PDE1A: variants seen among roughly 807,000 people sequenced by gnomAD.
PDE1A encodes the protein phosphodiesterase 1A.
PDE1A carries 35 observed loss-of-function variants against 61.7 expected under a neutral mutation model. That is an observed-to-expected ratio of 0.57 (90% CI 0.43 to 0.75). PDE1A has a LOEUF of 0.75. Ranked by LOEUF, PDE1A falls within the 30% of genes least tolerant of loss-of-function variation. The probability of loss-of-function intolerance (pLI) is 0.00; values close to 1 mark genes in which losing one functional copy is unlikely to be tolerated. For synonymous variants in PDE1A, 232 were observed against 213.2 expected (o/e 1.09, Z -0.77); for missense variants, 597 against 630.6 (o/e 0.95, Z 0.57).
intron 1 of PDE1A, among the ~76,000 whole-genome samples, chr2:182,370,697 G>C (rs1700083086): frequency 1.3e-5 from 2 of 152,174 alleles, no homozygotes; most frequent in African/African-American, 4.8e-5. Flanking sequence ...GACAAACTGG[G>C]AGGAAGAGAT....
At chr2:182,690,480 C>T in the PDE1A span, among the ~76,000 whole-genome samples, 1,369 of 152,196 alleles carry the variant, frequency 9.0e-3, 14 homozygotes, top group South Asian at 0.054. Flanking sequence ...AAGTCAACAG[C>T]GCTTCATGCT....
chr2:182,590,258 G>A, the PDE1A span, among the ~76,000 whole-genome samples: 1 of 152,108 alleles, frequency 6.6e-6, no homozygotes, highest in African/African-American at 2.4e-5. Context: ...CTTGAGCCCA[G>A]GAGTTCAAGA....
chr2:182,349,266 G>C (rs1698712153), intron 1 of PDE1A, among the ~76,000 whole-genome samples: 1 of 152,120 alleles, frequency 6.6e-6, no homozygotes, highest in Non-Finnish European at 1.5e-5. Context: ...TAAATAAACA[G>C]GATAAACATA....
At chr2:182,205,987 T>C (rs924874543) in exon 8 of PDE1A, 1 of 1,611,908 alleles carries the variant, frequency 6.2e-7, no homozygotes, top group Non-Finnish European at 8.5e-7. Context: ...TTTCTTCTTC[T>C]TGCATAAGTC....
chr2:182,203,111 C>T (rs956065881), intron 8 of PDE1A, among the ~76,000 whole-genome samples: 3 of 151,992 alleles, frequency 2.0e-5, no homozygotes, highest in Admixed American at 6.6e-5. Context: ...GTCAGGAGAT[C>T]GAGACCATCC....
the PDE1A span, among the ~76,000 whole-genome samples, chr2:182,709,539 G>T: frequency 6.6e-6 from 1 of 152,170 alleles, no homozygotes; most frequent in Non-Finnish European, 1.5e-5. Context: ...ATAATATATT[G>T]TGATAAATGC....
the PDE1A span, among the ~76,000 whole-genome samples, chr2:182,660,776 T>A: frequency 6.6e-6 from 1 of 152,150 alleles, no homozygotes; most frequent in African/African-American, 2.4e-5. Context: ...CTGAACGAAC[T>A]TGTAAAAGGT....
At chr2:182,529,477 G>C in the PDE1A span, among the ~76,000 whole-genome samples, 1 of 152,212 alleles carries the variant, frequency 6.6e-6, no homozygotes, top group Non-Finnish European at 1.5e-5. Flanking sequence ...GAAGGGACTT[G>C]CCTTGTCTCA....
At chr2:182,618,413 C>G in the PDE1A span, among the ~76,000 whole-genome samples, 1 of 151,850 alleles carries the variant, frequency 6.6e-6, no homozygotes, top group Non-Finnish European at 1.5e-5. Context: ...TTAATTTACC[C>G]TTAGGATGAA....
chr2:182,453,672 G>T (rs1337500507), intron 2 of PDE1A, among the ~76,000 whole-genome samples: 1 of 152,078 alleles, frequency 6.6e-6, no homozygotes, highest in Non-Finnish European at 1.5e-5. Flanking sequence ...AAAACCACAT[G>T]ATTATCTCAA....
the PDE1A span, among the ~76,000 whole-genome samples, chr2:182,553,295 A>AC: frequency 6.6e-6 from 1 of 151,880 alleles, no homozygotes; most frequent in Non-Finnish European, 1.5e-5. Flanking sequence ...GTGAGCAAGG[A>AC]CCCCCCAGTA....
At chr2:182,636,552 A>T in the PDE1A span, among the ~76,000 whole-genome samples, 1 of 152,320 alleles carries the variant, frequency 6.6e-6, no homozygotes, top group East Asian at 1.9e-4. Context: ...AAAAAAACCC[A>T]TTTAGCACGA....
the PDE1A span, among the ~76,000 whole-genome samples, chr2:182,668,049 G>T: frequency 1.3e-5 from 2 of 152,210 alleles, no homozygotes; most frequent in Non-Finnish European, 2.9e-5. Context: ...AGGGAAAAGA[G>T]ATTCCTAAAT....
chr2:182,494,262 A>C (rs1238135636), intron 2 of PDE1A, among the ~76,000 whole-genome samples: 1 of 151,984 alleles, frequency 6.6e-6, no homozygotes, highest in East Asian at 1.9e-4. Flanking sequence ...CTCTCATCTA[A>C]ATGTGTAGTA....
chr2:182,190,355 T>C (rs544796109), intron 10 of PDE1A, among the ~76,000 whole-genome samples: 10 of 152,332 alleles, frequency 6.6e-5, no homozygotes, highest in African/African-American at 2.2e-4. Context: ...CCATTTGAAA[T>C]TGTGATTTAT....
intron 1 of PDE1A, among the ~76,000 whole-genome samples, chr2:182,286,279 C>T (rs569648759): frequency 3.3e-5 from 5 of 152,208 alleles, no homozygotes; most frequent in Admixed American, 1.3e-4. Context: ...AGCTCACAAA[C>T]GAGCAACTTA....
upstream of PDE1A, among the ~76,000 whole-genome samples, chr2:182,427,498 A>AAC (rs1703691911): frequency 6.6e-6 from 1 of 152,068 alleles, no homozygotes; most frequent in African/African-American, 2.4e-5. Context: ...AAGAGATGGA[A>AAC]ACACACACAC....
intron 13 of PDE1A, among the ~76,000 whole-genome samples, chr2:182,148,452 T>A (rs560813705): frequency 2.6e-5 from 4 of 152,216 alleles, no homozygotes; most frequent in Non-Finnish European, 4.4e-5. Context: ...GCCTTTATTT[T>A]CTGTGAGCAC....
At chr2:182,377,924 C>T (rs189049921) in intron 1 of PDE1A, among the ~76,000 whole-genome samples, 88 of 152,050 alleles carry the variant, frequency 5.8e-4, no homozygotes, top group African/African-American at 2.0e-3. Flanking sequence ...TGGCTCACTG[C>T]AGGCTCCTCC....
Sources: allele counts gnomAD v4.1 joint callset (sites outside exome capture counted in the v4.1 genomes callset), GRCh38; gene constraint gnomAD v4.1.1; transcripts MANE v1.5; gene names NCBI Gene and HGNC (gene_info 2026-07-23, HGNC 2026-07-21).